The following ARHGEF6 variants were observed in gnomAD, a reference collection of about 807,000 sequenced individuals.
ARHGEF6 encodes Rac/Cdc42 guanine nucleotide exchange factor 6.
ARHGEF6 carries 9 observed loss-of-function variants against 70.3 expected under a neutral mutation model. The ratio of observed to expected loss-of-function variants is 0.13; its 90% CI spans 0.08 to 0.22. The LOEUF is 0.22. Ranked by LOEUF, ARHGEF6 falls within the 10% of genes least tolerant of loss-of-function variation. The pLI is 1.00. For synonymous variants in ARHGEF6, 201 were observed against 207.8 expected, an observed-to-expected ratio of 0.97 and a Z score of 0.28; for missense variants, 470 against 563.0, an observed-to-expected ratio of 0.83 and a Z score of 1.67.
chrX:136,770,885 T>G (rs2077358942), intron 2 of ARHGEF6, among the ~76,000 whole-genome samples: 1 of 111,937 alleles, frequency 8.9e-6, no homozygotes, highest in South Asian at 3.7e-4. Context: ...TGGTCACAGC[T>G]ACTCAGGTGG....
intron 5 of ARHGEF6, among the ~76,000 whole-genome samples, chrX:136,737,937 T>C (rs1334029497): frequency 9.3e-6 from 1 of 107,391 alleles, no homozygotes; most frequent in African/African-American, 3.4e-5. Flanking sequence ...TCTCTTCCAT[T>C]GTCCATCAAG....
At chrX:136,700,261 G>A (rs913552941) in intron 9 of ARHGEF6, among the ~76,000 whole-genome samples, 1 of 111,357 alleles carries the variant, frequency 9.0e-6, no homozygotes, top group African/African-American at 3.3e-5. Flanking sequence ...CGGTGGCTCA[G>A]GCCTGCAATC....
intron 1 of ARHGEF6, among the ~76,000 whole-genome samples, chrX:136,780,421 G>A (rs1470842918): frequency 9.0e-6 from 1 of 111,460 alleles, no homozygotes; most frequent in Non-Finnish European, 1.9e-5. Flanking sequence ...ACAAGGAGAT[G>A]TAACATGCAT....
chrX:136,726,081 A>G (rs1407885656), intron 6 of ARHGEF6, among the ~76,000 whole-genome samples: 1 of 112,286 alleles, frequency 8.9e-6, no homozygotes, highest in Non-Finnish European at 1.9e-5. Context: ...GTCTCAGGAA[A>G]CCTTAAATCA....
intron 2 of ARHGEF6, among the ~76,000 whole-genome samples, chrX:136,766,793 G>T (rs1282091672): frequency 4.4e-5 from 5 of 112,715 alleles, no homozygotes; most frequent in Non-Finnish European, 9.4e-5. Context: ...GATGCTCGGG[G>T]TTGGGAGGGC....
In ARHGEF6 at chrX:136,707,084, G is replaced by T. The variant is rs924515369; in HGVS notation, c.924-54C>A. On this transcript the variant is annotated intron_variant, in intron 8 of 21. Transcript: ENST00000250617. ...TGTAAAATAGGAAACAGGAGGCAAA[G>T]GAAGATTATTCCAATTAAACCTGGC... The T allele has an allele frequency of 2.5e-6, 3 of 1,181,804 alleles. No individual in the cohort carries two copies. In the African/African-American group the frequency reaches 5.2e-5, roughly 21 times the overall value.
intron 6 of ARHGEF6, among the ~76,000 whole-genome samples, chrX:136,727,731 G>A (rs1174923070): frequency 1.8e-5 from 2 of 110,081 alleles, no homozygotes; most frequent in African/African-American, 3.3e-5. Context: ...ACGGGGTATC[G>A]CCATGTTGGC....
intron 2 of ARHGEF6, among the ~76,000 whole-genome samples, chrX:136,778,404 G>T (rs2077422849): frequency 9.0e-6 from 1 of 111,502 alleles, no homozygotes; most frequent in Non-Finnish European, 1.9e-5. Flanking sequence ...CAGGCCCTAT[G>T]CTAAGGACTC....
intron 17 of ARHGEF6, 67 bp from the exon 18 acceptor site, chrX:136,676,784 G>A (rs1428575837): frequency 1.3e-6 from 1 of 751,601 alleles, no homozygotes; most frequent in Admixed American, 2.3e-5. Flanking sequence ...AAGCATGAAT[G>A]AAACTAAGTA....
chrX:136,682,586 T>G (rs1384721069), intron 13 of ARHGEF6, among the ~76,000 whole-genome samples, 172 bp downstream of exon 13: 1 of 112,121 alleles, frequency 8.9e-6, no homozygotes, highest in East Asian at 2.8e-4. Context: ...AATACAAAGG[T>G]CTTTGATCTA....
At position 136,691,905 on chromosome X, in the gene ARHGEF6, C is replaced by A. The variant is rs537087691; in HGVS notation, c.1047-1157G>T. 3.6e-5 allele frequency among the ~76,000 whole-genome samples: 4 copies of A among 111,864 alleles called. No individual in the cohort carries two copies. The South Asian group carries it at 1.5e-3, about 42-fold the overall frequency. The stretch of plus-strand genomic sequence containing the variant: ...TTCTCACTACTCCCCAGCAGGAAAC[C>A]CCTAGTGCAAAGTGACCTACTTATT... On this transcript the variant is annotated intron_variant, in intron 9 of 21. Coordinates refer to ENST00000250617, the MANE Select transcript of ARHGEF6 (RefSeq NM_004840.3).
intron 11 of ARHGEF6, among the ~76,000 whole-genome samples, chrX:136,686,601 T>TATATATATATATATATATATATAC (rs2076392246): frequency 1.3e-5 from 1 of 74,509 alleles, no homozygotes. Context: ...TGTGTATATA[T>TATATATATATATATATATATATAC]ATATATATAT....
rs746293132 is a variant in ARHGEF6 at position 136,741,063 on chromosome X, A to C, written c.661+2522T>G. Among the ~76,000 whole-genome samples, 3 of 112,159 alleles carry C rather than the reference A, an allele frequency of 2.7e-5. No homozygotes were observed. The East Asian group carries it at 8.4e-4, about 31-fold the overall frequency. The stretch of plus-strand genomic sequence containing the variant: ...GTCTCCATATACGTATATAATTATA[A>C]ATCTGTTAGTAAACATATTCCATTA... On this transcript the variant is annotated intron_variant, in intron 5 of 21. Coordinates refer to ENST00000250617, the MANE Select transcript of ARHGEF6 (RefSeq NM_004840.3).
chrX:136,728,816 A>T (rs950966984), intron 6 of ARHGEF6, among the ~76,000 whole-genome samples: 1 of 109,391 alleles, frequency 9.1e-6, no homozygotes, highest in Admixed American at 9.7e-5. Context: ...CTGTCTGCGT[A>T]TTTGAGCTAG....
intron 16 of ARHGEF6, among the ~76,000 whole-genome samples, chrX:136,678,373 A>G (rs2148575441): frequency 8.9e-6 from 1 of 112,193 alleles, no homozygotes; most frequent in African/African-American, 3.2e-5. Flanking sequence ...AAGGGGGCCT[A>G]GGTAACTATC....
intron 6 of ARHGEF6, among the ~76,000 whole-genome samples, chrX:136,716,752 A>C (rs2076740908): frequency 8.9e-6 from 1 of 112,372 alleles, no homozygotes; most frequent in Non-Finnish European, 1.9e-5. Context: ...TATTATAAGC[A>C]GAGAAACAGA....
At chrX:136,678,012 T>G (rs979485207) in intron 16 of ARHGEF6, 56 bp from the exon 17 acceptor site, 2 of 1,011,275 alleles carry the variant, frequency 2.0e-6, no homozygotes, top group Non-Finnish European at 2.8e-6. Flanking sequence ...ATGGTTATAA[T>G]GACCAAATCC....
At chrX:136,690,581 C>T (rs767096856) in intron 10 of ARHGEF6, 29 bp downstream of exon 10, 3 of 1,209,669 alleles carry the variant, frequency 2.5e-6, no homozygotes, top group East Asian at 3.0e-5. Flanking sequence ...ACTTGGCACA[C>T]GAGCTTGAAA....
At chrX:136,698,045 A>T (rs1212537639) in intron 9 of ARHGEF6, among the ~76,000 whole-genome samples, 1 of 112,087 alleles carries the variant, frequency 8.9e-6, no homozygotes, top group Non-Finnish European at 1.9e-5. Flanking sequence ...ACATCCATAA[A>T]GATGCTGAAA....
Sources: gnomAD v4.1 joint callset for allele counts (sites outside exome capture counted in the v4.1 genomes callset) on GRCh38, gnomAD v4.1.1 for gene constraint, MANE v1.5 for transcripts, NCBI Gene and HGNC (gene_info 2026-07-23, HGNC 2026-07-21) for gene names.